The following PRKN variants were observed in gnomAD, a reference collection of about 807,000 sequenced individuals.
PRKN encodes the protein parkin RBR E3 ubiquitin protein ligase.
A neutral mutation model predicts 59.5 loss-of-function variants in PRKN; 56 were observed. That is an observed-to-expected ratio of 0.94 (90% confidence interval 0.76 to 1.18). The LOEUF (loss-of-function observed/expected upper bound fraction) is 1.18, where lower values mean the gene tolerates loss of function less well. PRKN is among the 50% of genes most tolerant of loss of function. The probability of loss-of-function intolerance (pLI) is 0.00; values close to 1 mark genes in which losing one functional copy is unlikely to be tolerated. For missense variants in PRKN, 657 were observed against 596.4 expected (o/e 1.10, Z -1.06); for synonymous variants, 250 against 222.1 (o/e 1.13, Z -1.12).
intron 7 of PRKN, among the ~76,000 whole-genome samples, chr6:161,741,295 G>A (rs973214483): frequency 1.3e-5 from 2 of 152,108 alleles, no homozygotes; most frequent in Non-Finnish European, 1.5e-5. Context: ...TAGTTTCTCC[G>A]AGGACCTGAT....
At chr6:162,031,401 A>G (rs778939096) in intron 5 of PRKN, among the ~76,000 whole-genome samples, 3 of 134,052 alleles carry the variant, frequency 2.2e-5, no homozygotes, top group Admixed American at 1.4e-4. Flanking sequence ...CCCTCTCAAC[A>G]TCTAATCCTT....
At chr6:161,415,591 C>T (rs1787801586) in intron 9 of PRKN, among the ~76,000 whole-genome samples, 1 of 34,168 alleles carries the variant, frequency 2.9e-5, no homozygotes, top group South Asian at 1.4e-3. Context: ...CAGGAAATGT[C>T]GCCCCCCCCC....
chr6:162,235,958 G>GCAGA (rs1778656933), intron 3 of PRKN, among the ~76,000 whole-genome samples: 3 of 92,600 alleles, frequency 3.2e-5, no homozygotes, highest in Non-Finnish European at 7.0e-5. Context: ...AGGAAGAAAG[G>GCAGA]AAGAAAGAAA....
intron 1 of PRKN, among the ~76,000 whole-genome samples, chr6:162,552,969 C>T (rs779526303): frequency 4.6e-5 from 7 of 152,084 alleles, no homozygotes. Flanking sequence ...AGAGAGGCTG[C>T]GTAAGAACAA....
intron 5 of PRKN, among the ~76,000 whole-genome samples, chr6:161,978,016 G>GTATTGTATTTTATTTTATTTTATTT (rs1195203435): frequency 4.0e-5 from 6 of 148,484 alleles, no homozygotes; most frequent in African/African-American, 1.6e-4. Flanking sequence ...TTATTTTATT[G>GTATTGTATTTTATTTTATTTTATTT]TATTTTATTT....
Position 162,056,628 on chromosome 6 carries a change from C to T in PRKN, c.535-2454G>A, listed in dbSNP as rs1777877712. Reference sequence around the variant, plus strand: ...TGAAAAGCCTGCTTTCAAGCTTGGCCCTTGGCTGGCATCTGGGAATGTGAA... The same window carrying T: ...TGAAAAGCCTGCTTTCAAGCTTGGCTCTTGGCTGGCATCTGGGAATGTGAA... On this transcript the variant is annotated intron_variant, in intron 4 of 11. Transcript: ENST00000366898. The surrounding 1 kb of genome is among the most constrained non-coding windows in gnomAD (Gnocchi z 4.9). Among the ~76,000 whole-genome samples the T allele has an allele frequency of 6.6e-6, 1 of 152,176 alleles. No homozygotes were observed. Among genetic ancestry groups the T allele is most frequent in the African/African-American group, 2.4e-5 (1 of 41,452 alleles).
intron 1 of PRKN, among the ~76,000 whole-genome samples, chr6:162,689,820 A>T (rs1298942040): frequency 6.6e-6 from 1 of 152,212 alleles, no homozygotes; most frequent in Non-Finnish European, 1.5e-5. Flanking sequence ...AAAACAGTAG[A>T]GCGAGGCAGA....
Position 162,536,571 on chromosome 6 carries a change from C to T in PRKN, c.8-93098G>A, listed in dbSNP as rs375734802. On this transcript the variant is annotated intron_variant, in intron 1 of 11. Coordinates refer to ENST00000366898, the MANE Select transcript of PRKN (RefSeq NM_004562.3). The stretch of plus-strand genomic sequence containing the variant: ...GCTTGTCTGTAGGGATTCCACTGTG[C>T]TATCTCACCTACCTACCTACTCCTC... 4.7e-5 allele frequency among the ~76,000 whole-genome samples: 7 copies of T among 150,226 alleles called. No homozygotes were observed. The East Asian group carries it at 7.7e-4, about 17-fold the overall frequency.
At chr6:161,936,712 C>G (rs974538026) in intron 6 of PRKN, among the ~76,000 whole-genome samples, 1 of 152,068 alleles carries the variant, frequency 6.6e-6, no homozygotes, top group South Asian at 2.1e-4. Context: ...GGCAAATATG[C>G]AAGTTTCAAT....
At chr6:162,240,969 T>C (rs1370115151) in intron 3 of PRKN, among the ~76,000 whole-genome samples, 1 of 152,230 alleles carries the variant, frequency 6.6e-6, no homozygotes, top group Non-Finnish European at 1.5e-5. Flanking sequence ...AGAACTGCCC[T>C]GCCTCCATCT....
chr6:162,220,687 G>A (rs902224896), intron 3 of PRKN, among the ~76,000 whole-genome samples: 2 of 152,210 alleles, frequency 1.3e-5, no homozygotes, highest in Admixed American at 6.5e-5. Flanking sequence ...TCAAGGCAGA[G>A]GTCAGGAAAC....
At position 161,943,493 on chromosome 6, in the gene PRKN, T is replaced by C. The variant is rs140409633; in HGVS notation, c.734+29809A>G. 4.8e-3 allele frequency among the ~76,000 whole-genome samples: 735 copies of C among 152,382 alleles called. 3 individuals carry two copies. Among genetic ancestry groups the C allele is most frequent in the African/African-American group, 0.017 (687 of 41,590 alleles). On this transcript the variant is annotated intron_variant, in intron 6 of 11. Transcript: ENST00000366898. ...TATATTTTGAAGGAATATAACAGTT[T>C]AATGCTATTTTCACAAATGATTATT... is the stretch of plus-strand genomic sequence containing the variant.
chr6:161,770,938 A>T (rs550906127), intron 7 of PRKN, among the ~76,000 whole-genome samples: 2 of 152,260 alleles, frequency 1.3e-5, no homozygotes, highest in South Asian at 4.1e-4. Context: ...AGGCTTCAGG[A>T]GAAATCAACC....
At chr6:161,867,740 C>CTTTTATTTATTTATTTATTT (rs1554236154) in intron 6 of PRKN, among the ~76,000 whole-genome samples, 2 of 137,536 alleles carry the variant, frequency 1.5e-5, no homozygotes, top group Non-Finnish European at 3.0e-5. Context: ...AAAAATCTTT[C>CTTTTATTTATTTATTTATTT]ATTTATTTAT....
chr6:161,800,418 C>G (rs1358892461), intron 6 of PRKN, among the ~76,000 whole-genome samples: 1 of 152,186 alleles, frequency 6.6e-6, no homozygotes. Flanking sequence ...GGAAATGAAC[C>G]CTTTCTGGTT....
chr6:162,675,765 G>A (rs1027975558), intron 1 of PRKN, among the ~76,000 whole-genome samples: 2 of 152,018 alleles, frequency 1.3e-5, no homozygotes, highest in Non-Finnish European at 2.9e-5. Context: ...TATACTTTTG[G>A]GAAGCTTAAT....
intron 7 of PRKN, among the ~76,000 whole-genome samples, chr6:161,694,511 T>C (rs1039497814): frequency 6.6e-6 from 1 of 152,148 alleles, no homozygotes; most frequent in Admixed American, 6.5e-5. Flanking sequence ...AAGGTCACTA[T>C]GGATTTTTTT....
At chr6:161,823,443 G>A (rs528537878) in intron 6 of PRKN, among the ~76,000 whole-genome samples, 1 of 152,204 alleles carries the variant, frequency 6.6e-6, no homozygotes, top group Non-Finnish European at 1.5e-5. Flanking sequence ...CAGACACTAG[G>A]AGGAATCCAA....
intron 2 of PRKN, among the ~76,000 whole-genome samples, chr6:162,301,774 T>C (rs1463938141): frequency 2.3e-5 from 1 of 43,484 alleles, no homozygotes; most frequent in Non-Finnish European, 4.2e-5. Flanking sequence ...GCAAATAAAT[T>C]GGCCGGGGCG....
Sources: allele counts gnomAD v4.1 joint callset (sites outside exome capture counted in the v4.1 genomes callset), GRCh38; gene constraint gnomAD v4.1.1; non-coding constraint Gnocchi (gnomAD v3.1); transcripts MANE v1.5; gene names NCBI Gene and HGNC (gene_info 2026-07-23, HGNC 2026-07-21).